HEMK2: variants seen among roughly 807,000 people sequenced by gnomAD.
HEMK2 encodes HemK methyltransferase 2, ETF1 glutamine and histone H4 lysine.
chr21:28,705,254 A>G, the HEMK2 span, among the ~76,000 whole-genome samples: 3 of 152,150 alleles, frequency 2.0e-5, no homozygotes, highest in East Asian at 1.9e-4. Context: ...ATTGAAATCT[A>G]TATGTCTATG....
chr21:28,589,846 A>T, the HEMK2 span, among the ~76,000 whole-genome samples: 2 of 152,212 alleles, frequency 1.3e-5, no homozygotes, highest in Non-Finnish European at 2.9e-5. Flanking sequence ...TGATGTCACA[A>T]GTGAAAAAAT....
the HEMK2 span, among the ~76,000 whole-genome samples, chr21:28,681,082 C>T: frequency 2.6e-3 from 402 of 152,106 alleles, 2 homozygotes; most frequent in Non-Finnish European, 3.4e-3. Context: ...AAATAAAGGG[C>T]ATTCAATTAG....
At chr21:28,757,569 T>G in the HEMK2 span, among the ~76,000 whole-genome samples, 1 of 152,220 alleles carries the variant, frequency 6.6e-6, no homozygotes, top group Non-Finnish European at 1.5e-5. Flanking sequence ...TTGTTTAATT[T>G]AACTTTGTTG....
At chr21:28,585,488 C>T in the HEMK2 span, among the ~76,000 whole-genome samples, 3 of 151,898 alleles carry the variant, frequency 2.0e-5, no homozygotes, top group Non-Finnish European at 4.4e-5. Flanking sequence ...CCTATGTTAA[C>T]ATGTGTAAGG....
chr21:28,750,177 A>G, the HEMK2 span, among the ~76,000 whole-genome samples: 1 of 152,338 alleles, frequency 6.6e-6, no homozygotes, highest in Non-Finnish European at 1.5e-5. Flanking sequence ...ATATTAGGTT[A>G]AATTAAGAAA....
chr21:28,843,787 G>A, the HEMK2 span, among the ~76,000 whole-genome samples: 4 of 152,084 alleles, frequency 2.6e-5, no homozygotes, highest in Non-Finnish European at 4.4e-5. Flanking sequence ...GAAATGAACA[G>A]TATTTTACAT....
the HEMK2 span, among the ~76,000 whole-genome samples, chr21:28,594,316 C>T: frequency 2.6e-5 from 4 of 151,978 alleles, no homozygotes; most frequent in East Asian, 1.9e-4. Flanking sequence ...GAAAGACTAA[C>T]GGAATCAAAA....
chr21:28,789,248 G>C, the HEMK2 span, among the ~76,000 whole-genome samples: 185 of 152,232 alleles, frequency 1.2e-3, 1 homozygote, highest in African/African-American at 4.1e-3. Context: ...GTAATAGAAG[G>C]CTTTTTATTT....
the HEMK2 span, among the ~76,000 whole-genome samples, chr21:28,750,096 G>A: frequency 3.9e-5 from 6 of 152,180 alleles, no homozygotes; most frequent in East Asian, 1.9e-4. Context: ...GAAATACACA[G>A]AGAGTAGACT....
chr21:28,607,889 A>C, the HEMK2 span, among the ~76,000 whole-genome samples: 1 of 152,248 alleles, frequency 6.6e-6, no homozygotes, highest in Non-Finnish European at 1.5e-5. Flanking sequence ...TAGAAGATGC[A>C]AGAGGGGCTG....
the HEMK2 span, among the ~76,000 whole-genome samples, chr21:28,790,576 G>A: frequency 6.6e-6 from 1 of 151,860 alleles, no homozygotes; most frequent in Non-Finnish European, 1.5e-5. Flanking sequence ...AAACATAGCA[G>A]GATTATCTGA....
the HEMK2 span, among the ~76,000 whole-genome samples, chr21:28,802,059 A>G: frequency 3.8e-4 from 58 of 152,308 alleles, no homozygotes; most frequent in African/African-American, 1.3e-3. Flanking sequence ...GAGCAAAATG[A>G]TGAGTGTACA....
chr21:28,874,670 C>T, the HEMK2 span: 23 of 152,184 alleles, frequency 1.5e-4, no homozygotes. Flanking sequence ...TATTAAAATC[C>T]TTTTTTGCTA....
At chr21:28,787,721 T>C in the HEMK2 span, among the ~76,000 whole-genome samples, 3 of 152,292 alleles carry the variant, frequency 2.0e-5, no homozygotes, top group South Asian at 2.1e-4. Context: ...GATGTTGGCA[T>C]GGATGCGGTG....
chr21:28,869,604 G>A, the HEMK2 span, among the ~76,000 whole-genome samples: 2 of 152,146 alleles, frequency 1.3e-5, no homozygotes, highest in Non-Finnish European at 2.9e-5. Context: ...GGACTGGCTC[G>A]AAAATCTCTC....
chr21:28,675,065 C>T, the HEMK2 span, among the ~76,000 whole-genome samples: 20 of 152,158 alleles, frequency 1.3e-4, no homozygotes, highest in African/African-American at 3.9e-4. Context: ...TAAGGACCTA[C>T]GGGCTAAAAC....
chr21:28,610,821 A>G, the HEMK2 span, among the ~76,000 whole-genome samples: 2 of 152,212 alleles, frequency 1.3e-5, no homozygotes, highest in Non-Finnish European at 2.9e-5. Context: ...ACGTAATGAT[A>G]AACGGACTAG....
chr21:28,759,401 C>G, the HEMK2 span, among the ~76,000 whole-genome samples: 1 of 152,192 alleles, frequency 6.6e-6, no homozygotes, highest in East Asian at 1.9e-4. Context: ...GCCTGTACCC[C>G]CACTGTCTCT....
At chr21:28,682,702 C>T in the HEMK2 span, among the ~76,000 whole-genome samples, 1 of 152,052 alleles carries the variant, frequency 6.6e-6, no homozygotes, top group African/African-American at 2.4e-5. Flanking sequence ...CACATATACA[C>T]CATGGAATAC....
Sources: gnomAD v4.1 joint callset for allele counts (sites outside exome capture counted in the v4.1 genomes callset) on GRCh38, gnomAD v4.1.1 for gene constraint, MANE v1.5 for transcripts, NCBI Gene and HGNC (gene_info 2026-07-23, HGNC 2026-07-21) for gene names.